Variants in CCDC174 observed in about 807,000 individuals in gnomAD.
CCDC174 encodes coiled-coil domain-containing protein 174.
In CCDC174, 37 loss-of-function variants were observed where a neutral mutation model predicts 57.1. That is an observed-to-expected ratio of 0.65 (90% confidence interval 0.50 to 0.85). CCDC174 has a LOEUF of 0.85. CCDC174 is among the 40% of genes least tolerant of loss of function. The pLI, the probability that CCDC174 is intolerant of heterozygous loss-of-function variation, is 0.00. For missense variants in CCDC174, 540 were observed against 574.3 expected (o/e 0.94, Z 0.61); for synonymous variants, 182 against 190.2 (o/e 0.96, Z 0.35).
chr3:14,663,764 A>T (rs1052160781), intron 5 of CCDC174, among the ~76,000 whole-genome samples: 3 of 152,206 alleles, frequency 2.0e-5, no homozygotes, highest in African/African-American at 7.2e-5. Flanking sequence ...ATGTCTTTTT[A>T]AAAATTTTTG....
In CCDC174 at chr3:14,655,599, T is replaced by C. The variant is rs376339243; in HGVS notation, c.218T>C (p.Ile73Thr). Residue 73 changes from isoleucine to threonine, a missense_variant, in exon 3 of 11, where the codon ATT becomes ACT. By Grantham distance (89) the Ile-to-Thr change is moderately conservative (BLOSUM62 -1). Transcript: ENST00000383794. ...NRAEKDAEQK[I>T]EEQKTLDKAR... ...GCTGAGAAGGATGCTGAACAGAAGA[T>C]TGAAGAACAGAAGACTTTAGACAAA... is the stretch of plus-strand genomic sequence containing the variant. The C allele has an allele frequency of 3.1e-6, 5 of 1,610,090 alleles. No individual in the cohort carries two copies. The highest frequency in any genetic ancestry group is 1.3e-5 in the African/African-American group (1 of 74,806).
chr3:14,665,673 T>C lies in CCDC174; in HGVS notation c.581+550T>C, dbSNP rs903035724. 2.0e-5 allele frequency among the ~76,000 whole-genome samples: 3 copies of C among 152,102 alleles called. No homozygotes were observed. In the East Asian group the frequency reaches 5.8e-4, roughly 29 times the overall value. ...TTATGTGAAAAGTGTTGGGAGAAAC[T>C]CCACCTTGTCCAAGTCCTGCAGGTT... On this transcript the variant is annotated intron_variant, in intron 6 of 10. Transcript: ENST00000383794.
intron 3 of CCDC174, 150 bp from the exon 4 acceptor site, chr3:14,658,721 T>C (rs963996197): frequency 2.6e-6 from 2 of 762,726 alleles, no homozygotes; most frequent in Non-Finnish European, 4.0e-6. Flanking sequence ...TCTGAGGGTC[T>C]CCTCAGGATG....
At chr3:14,669,872 G>A (rs2031457138) in intron 9 of CCDC174, 62 bp from the exon 10 acceptor site, 4 of 1,542,252 alleles carry the variant, frequency 2.6e-6, no homozygotes, top group Non-Finnish European at 2.7e-6. Context: ...AGCATGTTCT[G>A]TATTTTTAAA....
intron 6 of CCDC174, 59 bp from the exon 7 acceptor site, chr3:14,666,746 T>G: frequency 7.1e-7 from 1 of 1,409,356 alleles, no homozygotes; most frequent in Non-Finnish European, 9.6e-7. Context: ...CTGACTGTAC[T>G]TAAACACTGA....
intron 2 of CCDC174, 54 bp downstream of exon 2, chr3:14,654,584 C>A: frequency 1.2e-6 from 1 of 861,386 alleles, no homozygotes; most frequent in Non-Finnish European, 1.9e-6. Context: ...GAGAATTATA[C>A]CATATTTAAG....
At position 14,670,877 on chromosome 3, in the gene CCDC174, T is replaced by A; in HGVS notation, c.1106-19T>A. On this transcript the variant is annotated intron_variant, in intron 10 of 10. Coordinates refer to ENST00000383794, the MANE Select transcript of CCDC174 (RefSeq NM_016474.5). ...ATTCGTTAATCAGTTCTAATAACTT[T>A]CTTTCTTATTTTTACCAGAATTTTC... 6.4e-7 allele frequency: 1 copy of A among 1,572,124 alleles called. No individual in the cohort carries two copies.
chr3:14,654,977 T>C (rs143174130), intron 2 of CCDC174, among the ~76,000 whole-genome samples: 1 of 152,358 alleles, frequency 6.6e-6, no homozygotes, highest in East Asian at 1.9e-4. Flanking sequence ...ATTTAGGTTG[T>C]AATCATTCAG....
At chr3:14,664,372 A>G (rs144271503) in intron 5 of CCDC174, among the ~76,000 whole-genome samples, 176 of 152,328 alleles carry the variant, frequency 1.2e-3, no homozygotes, top group Admixed American at 3.6e-3. Context: ...GATGTTTTTC[A>G]TGAACATCTG....
chr3:14,667,156 G>C (rs2031369739), intron 7 of CCDC174: 2 of 619,770 alleles, frequency 3.2e-6, no homozygotes, highest in South Asian at 4.5e-5. Flanking sequence ...GGTAATCCAA[G>C]GGATTGTTCC....
intron 10 of CCDC174, 96 bp downstream of exon 10, chr3:14,670,182 G>A: frequency 3.2e-6 from 4 of 1,236,810 alleles, no homozygotes; most frequent in Non-Finnish European, 4.5e-6. Context: ...ACTTCGTGCT[G>A]CCTTGTGTGG....
At position 14,669,879 on chromosome 3, in the gene CCDC174, T is replaced by A. The variant is rs190638788; in HGVS notation, c.953-55T>A. ...TCAGGATTAGCATGTTCTGTATTTT[T>A]AAAAATAGCTTTAGGCTTTTTTATA... On this transcript the variant is annotated intron_variant, in intron 9 of 10. Coordinates refer to ENST00000383794, the MANE Select transcript of CCDC174 (RefSeq NM_016474.5). 1,085 of 1,574,066 alleles carry A rather than the reference T, an allele frequency of 6.9e-4. 6 individuals are homozygous for A. In the African/African-American group the frequency reaches 0.013, roughly 18 times the overall value.
rs2031551131 is a variant in CCDC174 at position 14,672,434 on chromosome 3, T to TA, written c.*1243dup. On this transcript the variant is annotated 3_prime_UTR_variant, in exon 11 of 11. Transcript: ENST00000383794. ...GTACCTAAGGGGCAGATCTCAGACT[T>TA]AAACACAATTGATGTCTAACCCCTA... is the stretch of plus-strand genomic sequence containing the variant. 6.6e-6 allele frequency: 1 copy of TA among 152,204 alleles called. No homozygotes were observed. The highest frequency in any genetic ancestry group is 2.4e-5 in the African/African-American group (1 of 41,436). The allele number at this position is 152,204 out of a possible 1,614,324, so 9.4% of individuals were successfully genotyped here.
chr3:14,670,055 G>A lies in CCDC174; in HGVS notation c.1074G>A (p.Val358=), dbSNP rs776914666. ...AGAGGAAGGACACCAAGCCTGGAGT[G>A]CCACACATCCGGGAGTGGGACCGCG... ...VQERKDTKPG[V]PHIREWDRGK... is the part of the protein sequence containing the mutation. The change falls in exon 10 of 11, where the codon GTG becomes GTA. Residue 358 remains valine (V), a synonymous_variant. Coordinates refer to ENST00000383794, the MANE Select transcript of CCDC174 (RefSeq NM_016474.5). 4 of 1,611,910 alleles carry A rather than the reference G, an allele frequency of 2.5e-6. No homozygotes were observed. In the South Asian group the frequency reaches 4.4e-5, roughly 18 times the overall value.
At chr3:14,670,746 C>A (rs34453025) in intron 10 of CCDC174, 150 bp from the exon 11 acceptor site, 8,780 of 662,754 alleles carry the variant, frequency 0.013, 83 homozygotes, top group South Asian at 0.023. Flanking sequence ...TTACTTATAC[C>A]TTGTAATATA....
chr3:14,658,945 T>C lies in CCDC174; in HGVS notation c.307+16T>C. 1.3e-6 allele frequency: 2 copies of C among 1,486,974 alleles called. No individual in the cohort carries two copies. Among genetic ancestry groups the C allele is most frequent in the Non-Finnish European group, 1.8e-6 (2 of 1,084,322 alleles). The allele number at this position is 1,486,974 out of a possible 1,614,324, so 92.1% of individuals were successfully genotyped here. A position where few individuals can be genotyped will look rare whatever the true frequency, so the allele number is the denominator to read the frequency against. On this transcript the variant is annotated intron_variant, in intron 4 of 10. Coordinates refer to ENST00000383794, the MANE Select transcript of CCDC174 (RefSeq NM_016474.5). ...GACTTTATAGGTAAATAAAATTTGT[T>C]ATTTCTACTTCATTTTCTATAATGC...
rs1160049232 is a variant in CCDC174 at position 14,672,380 on chromosome 3, G to A, written c.*1186G>A. 5.3e-5 allele frequency: 8 copies of A among 152,322 alleles called. No individual in the cohort carries two copies. The highest frequency in any genetic ancestry group is 7.3e-5 in the Non-Finnish European group (5 of 68,118). The allele number at this position is 152,322 out of a possible 1,614,324, so 9.4% of individuals were successfully genotyped here. Reference sequence around the variant, plus strand: ...TACAGATGACACACTGGAGTGTGGAGGGGTCGATGACTTGTGCAGGGTCAT... The same window carrying A: ...TACAGATGACACACTGGAGTGTGGAAGGGTCGATGACTTGTGCAGGGTCAT... On this transcript the variant is annotated 3_prime_UTR_variant, in exon 11 of 11. Coordinates refer to ENST00000383794, the MANE Select transcript of CCDC174 (RefSeq NM_016474.5).
intron 10 of CCDC174, 127 bp downstream of exon 10, chr3:14,670,213 A>G (rs1575074406): frequency 2.3e-6 from 2 of 879,948 alleles, no homozygotes; most frequent in East Asian, 5.7e-5. Flanking sequence ...TTGGAATGCC[A>G]TTTCTCAGGA....
Position 14,668,191 on chromosome 3 carries a change from G to A in CCDC174, c.952+10G>A, listed in dbSNP as rs775862632. On this transcript the variant is annotated intron_variant, in intron 9 of 10. Transcript: ENST00000383794. ...GAAGAAGAAAATAGAGGTATATCAT[G>A]GCTATGTTGCTGAACTTCAAAAGGG... The A allele has an allele frequency of 1.3e-6, 2 of 1,589,334 alleles. No individual in the cohort carries two copies. Among genetic ancestry groups the A allele is most frequent in the East Asian group, 4.5e-5 (2 of 44,340 alleles).
Sources: allele counts gnomAD v4.1 joint callset (sites outside exome capture counted in the v4.1 genomes callset), GRCh38; gene constraint gnomAD v4.1.1; transcripts MANE v1.5; gene names NCBI Gene and HGNC (gene_info 2026-07-23, HGNC 2026-07-21).